Variants in ARHGEF37 observed in about 807,000 individuals in gnomAD.
ARHGEF37 encodes the protein Rho guanine nucleotide exchange factor (GEF) 37.
ARHGEF37 carries 55 observed loss-of-function variants against 71.1 expected under a neutral mutation model. The observed-to-expected ratio is 0.77, with a 90% CI of 0.62 to 0.97. The LOEUF (loss-of-function observed/expected upper bound fraction) is 0.97. Among genes scored for constraint, ARHGEF37 ranks in the 50% least tolerant of loss-of-function variants. The pLI is 0.00. For missense variants in ARHGEF37, 765 were observed against 836.8 expected (o/e 0.91, Z 1.06); for synonymous variants, 327 against 350.6 (o/e 0.93, Z 0.75).
chr5:149,565,138 A>G (rs1048538040), intron 1 of ARHGEF37, among the ~76,000 whole-genome samples: 1 of 152,208 alleles, frequency 6.6e-6, no homozygotes, highest in African/African-American at 2.4e-5. Context: ...GAACAAGGTA[A>G]ATGAAAAGGA....
At chr5:149,588,421 C>A (rs1763301616) in intron 1 of ARHGEF37, among the ~76,000 whole-genome samples, 1 of 151,772 alleles carries the variant, frequency 6.6e-6, no homozygotes, top group African/African-American at 2.4e-5. Flanking sequence ...CTCAGCCACC[C>A]AAGTAGCTGA....
chr5:149,571,097 C>T (rs1210900085), intron 1 of ARHGEF37, among the ~76,000 whole-genome samples: 1 of 151,088 alleles, frequency 6.6e-6, no homozygotes, highest in African/African-American at 2.4e-5. Flanking sequence ...CATGCGCCAC[C>T]ACGCCCAGCT....
intron 10 of ARHGEF37, among the ~76,000 whole-genome samples, chr5:149,625,109 G>A (rs1183628626): frequency 6.6e-6 from 1 of 152,012 alleles, no homozygotes; most frequent in Non-Finnish European, 1.5e-5. Context: ...TGTTGGCCAG[G>A]CTGGTCTCGA....
chr5:149,588,177 G>A (rs543371652), intron 1 of ARHGEF37, among the ~76,000 whole-genome samples: 7 of 151,340 alleles, frequency 4.6e-5, no homozygotes, highest in African/African-American at 1.5e-4. Flanking sequence ...GATTACAGGC[G>A]TGAGCCACGG....
rs1408189302 is a variant in ARHGEF37 at position 149,634,132 on chromosome 5, A to G, written c.*1941A>G. ...GCAGAATCCAGGCTCCGTCCCACCC[A>G]GAGATTCTGATGAAATTGGTTTAGG... is the stretch of plus-strand genomic sequence containing the variant. On this transcript the variant is annotated 3_prime_UTR_variant, in exon 13 of 13. Transcript: ENST00000333677. 1 of 152,208 alleles carries G rather than the reference A, an allele frequency of 6.6e-6. No homozygotes were observed. The highest frequency in any genetic ancestry group is 1.5e-5 in the Non-Finnish European group (1 of 68,036). The allele number at this position is 152,208 out of a possible 1,614,324, so 9.4% of individuals were successfully genotyped here.
intron 1 of ARHGEF37, among the ~76,000 whole-genome samples, chr5:149,569,912 C>T (rs4705352): frequency 0.24 from 36,267 of 152,170 alleles, 5,020 homozygotes; most frequent in Admixed American, 0.4. Flanking sequence ...TGAGCCACTG[C>T]ACCTGACCAT....
In ARHGEF37 at chr5:149,621,726, C is replaced by A. The variant is rs1308137893; in HGVS notation, c.1006-7C>A. The A allele has an allele frequency of 6.2e-7, 1 of 1,606,428 alleles. No homozygotes were observed. Among genetic ancestry groups the A allele is most frequent in the African/African-American group, 1.3e-5 (1 of 74,738 alleles). On this transcript the variant is annotated splice_region_variant and splice_polypyrimidine_tract_variant and intron_variant, in intron 8 of 12. Coordinates refer to ENST00000333677, the MANE Select transcript of ARHGEF37 (RefSeq NM_001001669.3). Reference sequence around the variant, plus strand: ...TTCCCGACTCCCACGCTCATGTCTCCCCACAGAAGCAACGGCTAGAAGGCC... The same window carrying A: ...TTCCCGACTCCCACGCTCATGTCTCACCACAGAAGCAACGGCTAGAAGGCC...
At chr5:149,563,946 A>ATT (rs570750342) in intron 1 of ARHGEF37, among the ~76,000 whole-genome samples, 128 of 124,862 alleles carry the variant, frequency 1.0e-3, no homozygotes, top group African/African-American at 1.5e-3. Flanking sequence ...ATTAGTTTAA[A>ATT]TTTTTTTTTT....
intron 10 of ARHGEF37, among the ~76,000 whole-genome samples, chr5:149,625,814 G>A (rs1367774445): frequency 6.6e-6 from 1 of 151,296 alleles, no homozygotes; most frequent in Non-Finnish European, 1.5e-5. Flanking sequence ...TTTGGCTGAG[G>A]GTATAGAACC....
upstream of ARHGEF37, among the ~76,000 whole-genome samples, chr5:149,580,029 T>C (rs551245253): frequency 5.9e-5 from 9 of 152,326 alleles, no homozygotes; most frequent in South Asian, 1.9e-3. Context: ...GCTACTTTTT[T>C]GAAAAGTCCT....
chr5:149,571,091 C>T lies in ARHGEF37; in HGVS notation c.-12+18968C>T, dbSNP rs180834392. 7.3e-5 allele frequency among the ~76,000 whole-genome samples: 11 copies of T among 150,708 alleles called. No homozygotes were observed. The East Asian group carries it at 1.2e-3, about 17-fold the overall frequency. On this transcript the variant is annotated intron_variant, in intron 1 of 2. Transcript: ENST00000505810. ...CCAAGTAGCTGGGATTGCAGGCATG[C>T]GCCACCACGCCCAGCTAATTTTTTG...
At position 149,628,919 on chromosome 5, in the gene ARHGEF37, C is replaced by T; in HGVS notation, c.1771C>T (p.Pro591Ser). 1 of 1,613,294 alleles carries T rather than the reference C, an allele frequency of 6.2e-7. No homozygotes were observed. Among genetic ancestry groups the T allele is most frequent in the Non-Finnish European group, 8.5e-7 (1 of 1,180,006 alleles). Residue 591 changes from proline to serine, a missense_variant, in exon 12 of 13, where the codon CCG becomes TCG. By Grantham distance (74) the Pro-to-Ser change is moderately conservative (BLOSUM62 -1). Transcript: ENST00000333677. ...GAACAAAGACCCCCGATGTCTAACA[C>T]CGGAGCCCAGCCCAGCTCTAGTGCC... ...GLNKDPRCLT[P>S]EPSPALVPSI... is the part of the protein sequence containing the mutation.
At chr5:149,570,676 GACCACCC>G (rs1463509963) in intron 1 of ARHGEF37, among the ~76,000 whole-genome samples, 2 of 151,432 alleles carry the variant, frequency 1.3e-5, no homozygotes, top group Admixed American at 1.3e-4. Context: ...AGGAGTTCAA[GACCACCC>G]TGGCCAATAT....
rs756710385 is a variant in ARHGEF37, at chr5:149,627,186, G to A, written c.1575G>A (p.Leu525=). Residue 525 remains leucine, a synonymous_variant, in exon 11 of 13, where the codon CTG becomes CTA. Coordinates refer to ENST00000333677, the MANE Select transcript of ARHGEF37 (RefSeq NM_001001669.3). ...TCAGTGGGACTGGGACTCTGGACCT[G>A]ACTCTGCCTCGGGGCCAAATCGTGG... is the stretch of plus-strand genomic sequence containing the variant. ...SNISGTGTLD[L]TLPRGQIVAI... 8.3e-5 allele frequency: 134 copies of A among 1,614,040 alleles called. No homozygotes were observed. The highest frequency in any genetic ancestry group is 1.1e-4 in the Non-Finnish European group (131 of 1,180,056).
At chr5:149,553,965 C>T (rs1172355127) in intron 1 of ARHGEF37, among the ~76,000 whole-genome samples, 5 of 152,080 alleles carry the variant, frequency 3.3e-5, no homozygotes, top group Non-Finnish European at 1.5e-5. Context: ...GTCAGGAGTT[C>T]GAGACCATCC....
intron 10 of ARHGEF37, among the ~76,000 whole-genome samples, chr5:149,625,393 C>T (rs1404809361): frequency 6.6e-6 from 1 of 152,154 alleles, no homozygotes; most frequent in Non-Finnish European, 1.5e-5. Flanking sequence ...TCACATGCAA[C>T]ATGTGAACTG....
At chr5:149,608,013 C>T (rs1763965202) in intron 3 of ARHGEF37, among the ~76,000 whole-genome samples, 1 of 151,982 alleles carries the variant, frequency 6.6e-6, no homozygotes, top group Non-Finnish European at 1.5e-5. Context: ...TGTGATCCAC[C>T]CATCTGGGCC....
chr5:149,622,185 C>A, intron 9 of ARHGEF37, 123 bp downstream of exon 9: 2 of 977,746 alleles, frequency 2.0e-6, no homozygotes, highest in South Asian at 1.7e-5. Flanking sequence ...GGTCATCAGG[C>A]CCTTAGGAAG....
chr5:149,597,062 AGGCGATGGGTAGTAAG>A (rs1306386825), intron 1 of ARHGEF37, among the ~76,000 whole-genome samples: 1 of 152,086 alleles, frequency 6.6e-6, no homozygotes, highest in Admixed American at 6.6e-5. Flanking sequence ...GAAATAGCCC[AGGCGATGGGTAGTAAG>A]GCCTAAATGG....
Sources: allele counts gnomAD v4.1 joint callset (sites outside exome capture counted in the v4.1 genomes callset), GRCh38; gene constraint gnomAD v4.1.1; transcripts MANE v1.5; gene names NCBI Gene and HGNC (gene_info 2026-07-23, HGNC 2026-07-21).